MAML2: variants seen among roughly 807,000 people sequenced by gnomAD.
MAML2 encodes the protein mastermind-like protein 2.
Under a neutral mutation model 96.1 loss-of-function variants are expected in MAML2, and 22 were observed. The observed-to-expected ratio is 0.23, with a 90% CI of 0.16 to 0.33. The LOEUF (loss-of-function observed/expected upper bound fraction) is 0.33. Ranked by LOEUF, MAML2 falls within the 10% of genes least tolerant of loss-of-function variation. The pLI is 1.00. For missense variants in MAML2, 1,367 were observed against 1,392.4 expected (o/e 0.98, Z 0.29); for synonymous variants, 561 against 521.3 (o/e 1.08, Z -1.04).
At chr11:96,339,803 C>T (rs556672543) in intron 1 of MAML2, among the ~76,000 whole-genome samples, 1 of 152,284 alleles carries the variant, frequency 6.6e-6, no homozygotes, top group African/African-American at 2.4e-5. Context: ...TTCTTTACCC[C>T]CCTCCTTTAC....
At chr11:96,002,056 G>T (rs1858086374) in intron 2 of MAML2, among the ~76,000 whole-genome samples, 1 of 152,062 alleles carries the variant, frequency 6.6e-6, no homozygotes, top group Non-Finnish European at 1.5e-5. Flanking sequence ...TGACCACTTA[G>T]AACTGAGTTA....
At chr11:96,192,877 GCTAT>G (rs1861674583) in intron 1 of MAML2, among the ~76,000 whole-genome samples, 1 of 152,210 alleles carries the variant, frequency 6.6e-6, no homozygotes. Context: ...CTTCGTGCAA[GCTAT>G]CTGACACTGC....
chr11:96,242,850 G>T (rs970916395), intron 1 of MAML2, among the ~76,000 whole-genome samples: 1 of 152,182 alleles, frequency 6.6e-6, no homozygotes, highest in African/African-American at 2.4e-5. Flanking sequence ...ACACTTGCCT[G>T]TTCTGGTTGC....
chr11:96,176,621 G>T (rs750713497), intron 1 of MAML2, among the ~76,000 whole-genome samples: 3 of 152,002 alleles, frequency 2.0e-5, no homozygotes, highest in Non-Finnish European at 4.4e-5. Flanking sequence ...AAATGGAAAA[G>T]GTGAGACCAC....
chr11:96,262,922 AT>A (rs1445024580), intron 1 of MAML2, among the ~76,000 whole-genome samples: 1 of 152,192 alleles, frequency 6.6e-6, no homozygotes, highest in Non-Finnish European at 1.5e-5. Context: ...CAAAGGAGTC[AT>A]GTTTACTTTG....
At chr11:96,234,878 C>G (rs1862346432) in intron 1 of MAML2, among the ~76,000 whole-genome samples, 1 of 152,132 alleles carries the variant, frequency 6.6e-6, no homozygotes, top group South Asian at 2.1e-4. Flanking sequence ...TGAACAATAT[C>G]TAACACTGAT....
intron 2 of MAML2, among the ~76,000 whole-genome samples, chr11:96,037,570 A>G (rs1237559900): frequency 6.6e-6 from 1 of 152,250 alleles, no homozygotes; most frequent in Non-Finnish European, 1.5e-5. Flanking sequence ...AAAGAAGCTT[A>G]GATTGATACT....
At chr11:96,283,759 C>A (rs1159304516) in intron 1 of MAML2, among the ~76,000 whole-genome samples, 1 of 152,190 alleles carries the variant, frequency 6.6e-6, no homozygotes, top group Non-Finnish European at 1.5e-5. Flanking sequence ...CTCCTGCTTT[C>A]TTTTACATTT....
intron 2 of MAML2, among the ~76,000 whole-genome samples, chr11:96,072,422 G>A (rs1290371932): frequency 6.6e-6 from 1 of 152,214 alleles, no homozygotes; most frequent in African/African-American, 2.4e-5. Flanking sequence ...TCAGGTTTCT[G>A]AGTAGTGAAT....
rs750046576 is a variant in MAML2, at chr11:96,092,201, CTGCTGCTGT to C, written c.1821_1829del (p.Gln619_Gln621del). The C allele has an allele frequency of 1.4e-5, 22 of 1,525,110 alleles. No individual in the cohort carries two copies. Among genetic ancestry groups the C allele is most frequent in the South Asian group, 1.3e-4 (11 of 81,986 alleles). The allele number at this position is 1,525,110 out of a possible 1,614,324, so 94.5% of individuals were successfully genotyped here. ...GCTGTTGCTGTTGCTGTTGCTGCTG[CTGCTGCTGT>C]TGCTGCTGCTGCTGCTGCTGCTGCT... On this transcript the variant is annotated inframe_deletion, in exon 2 of 5. Coordinates refer to ENST00000524717, the MANE Select transcript of MAML2 (RefSeq NM_032427.4). The surrounding 1 kb of genome is among the most constrained non-coding windows in gnomAD (Gnocchi z 4.1).
chr11:96,084,737 G>A (rs143274190), intron 2 of MAML2, among the ~76,000 whole-genome samples: 31 of 152,292 alleles, frequency 2.0e-4, no homozygotes, highest in African/African-American at 7.5e-4. Context: ...ACACAGTAGA[G>A]ACGTGAGCCA....
intron 1 of MAML2, among the ~76,000 whole-genome samples, chr11:96,229,792 G>A (rs1862266115): frequency 6.6e-6 from 1 of 152,066 alleles, no homozygotes; most frequent in Non-Finnish European, 1.5e-5. Context: ...GGGCTGCAGA[G>A]AAATATCATT....
At chr11:96,024,048 C>G (rs908754170) in intron 2 of MAML2, among the ~76,000 whole-genome samples, 22 of 152,106 alleles carry the variant, frequency 1.4e-4, no homozygotes, top group Non-Finnish European at 5.9e-5. Flanking sequence ...GTCCAGATAT[C>G]AAAGACACAA....
intron 1 of MAML2, among the ~76,000 whole-genome samples, chr11:96,196,277 T>C (rs1861729684): frequency 6.6e-6 from 1 of 151,386 alleles, no homozygotes; most frequent in Non-Finnish European, 1.5e-5. Flanking sequence ...TTCATCCCAG[T>C]TGCTTCGGTG....
At chr11:96,209,604 AC>A (rs113745277) in intron 1 of MAML2, among the ~76,000 whole-genome samples, 8,483 of 37,580 alleles carry the variant, frequency 0.23, 742 homozygotes, top group African/African-American at 0.45. Context: ...AAACAAACAA[AC>A]AAAAAAGCAA....
intron 1 of MAML2, among the ~76,000 whole-genome samples, chr11:96,254,391 C>CTT (rs201328694): frequency 0.033 from 4,459 of 136,014 alleles, 97 homozygotes; most frequent in South Asian, 0.063. Context: ...TGTTGCAGCT[C>CTT]TTTTTTTTTT....
chr11:96,268,785 C>A (rs1367703677), intron 1 of MAML2, among the ~76,000 whole-genome samples: 1 of 108,280 alleles, frequency 9.2e-6, no homozygotes, highest in African/African-American at 4.1e-5. Flanking sequence ...CTGTTGTCTG[C>A]CGCCATGTAA....
chr11:96,240,724 T>G (rs1447388699), intron 1 of MAML2, among the ~76,000 whole-genome samples: 1 of 152,126 alleles, frequency 6.6e-6, no homozygotes, highest in Admixed American at 6.5e-5. Flanking sequence ...AATAATTCTC[T>G]GATGTACAAA....
At position 95,991,515 on chromosome 11, in the gene MAML2, T is replaced by A; in HGVS notation, c.2343+5A>T. 1 of 1,613,502 alleles carries A rather than the reference T, an allele frequency of 6.2e-7. No homozygotes were observed. Among genetic ancestry groups the A allele is most frequent in the Non-Finnish European group, 8.5e-7 (1 of 1,179,542 alleles). On this transcript the variant is annotated splice_donor_5th_base_variant and intron_variant, in intron 3 of 4. Coordinates refer to ENST00000524717, the MANE Select transcript of MAML2 (RefSeq NM_032427.4). ...TGTTCAGTAGAAATTAAGAGAAAGT[T>A]TTACCGCGTCAGCCAGCATCTGCTG...
Sources: allele counts gnomAD v4.1 joint callset (sites outside exome capture counted in the v4.1 genomes callset), GRCh38; gene constraint gnomAD v4.1.1; non-coding constraint Gnocchi (gnomAD v3.1); transcripts MANE v1.5; gene names NCBI Gene and HGNC (gene_info 2026-07-23, HGNC 2026-07-21).